CFD: variants seen among roughly 807,000 people sequenced by gnomAD.
CFD encodes the protein complement factor D, also known as C3 convertase activator.
Under a neutral mutation model 21.1 loss-of-function variants are expected in CFD, and 24 were observed. That is an observed-to-expected ratio of 1.14 (90% CI 0.82 to 1.60). The LOEUF (loss-of-function observed/expected upper bound fraction) is 1.60, where lower values mean the gene tolerates loss of function less well. Among genes scored for constraint, CFD ranks in the 40% most tolerant of loss-of-function variants. The probability of loss-of-function intolerance (pLI) is 0.00; values close to 1 mark genes in which losing one functional copy is unlikely to be tolerated. For missense variants in CFD, 535 were observed against 383.3 expected (o/e 1.40, Z -3.31); for synonymous variants, 242 against 175.9 (o/e 1.38, Z -2.97).
chr19:861,548 C>T (rs1212098299), intron 3 of CFD, 151 bp from the exon 4 acceptor site: 2 of 942,706 alleles, frequency 2.1e-6, no homozygotes, highest in Admixed American at 4.5e-5. Context: ...GCACCCCCAC[C>T]CAGGGTCTAG....
chr19:863,332 C>CCTA lies in CFD; in HGVS notation c.*98_*100dup. 6.9e-7 allele frequency: 1 copy of CCTA among 1,444,630 alleles called. No homozygotes were observed. The highest frequency in any genetic ancestry group is 2.5e-5 in the East Asian group (1 of 40,226). 89.5% of individuals were successfully genotyped at this position (1,444,630 alleles called of 1,614,324 possible). ...GCATCTGGTTGGTCTTTATTGAGCA[C>CCTA]CTACTATATGCAGAAGGGGAGGCCG... On this transcript the variant is annotated 3_prime_UTR_variant, in exon 5 of 5. Coordinates refer to ENST00000327726, the MANE Select transcript of CFD (RefSeq NM_001928.4).
Position 863,455 on chromosome 19 carries a change from T to C in CFD, c.*217T>C. 2 of 608,802 alleles carry C rather than the reference T, an allele frequency of 3.3e-6. No individual in the cohort carries two copies. The highest frequency in any genetic ancestry group is 2.9e-5 in the East Asian group (1 of 34,762). 37.7% of individuals were successfully genotyped at this position (608,802 alleles called of 1,614,324 possible). Reference sequence around the variant, plus strand: ...ATAAATAAAAAATTAGCTGGGCAATTGGCGGGCATGGAGGTGGGTGCTTGT... The same window carrying C: ...ATAAATAAAAAATTAGCTGGGCAATCGGCGGGCATGGAGGTGGGTGCTTGT... On this transcript the variant is annotated 3_prime_UTR_variant, in exon 5 of 5. Coordinates refer to ENST00000327726, the MANE Select transcript of CFD (RefSeq NM_001928.4).
chr19:863,072 G>T lies in CFD; in HGVS notation c.616-20G>T. 1.3e-6 allele frequency: 2 copies of T among 1,511,514 alleles called. No homozygotes were observed. The highest frequency in any genetic ancestry group is 1.4e-5 in the African/African-American group (1 of 72,652). 93.6% of individuals were successfully genotyped at this position (1,511,514 alleles called of 1,614,324 possible). A position where few individuals can be genotyped will look rare whatever the true frequency, so the allele number is the denominator to read the frequency against. On this transcript the variant is annotated intron_variant, in intron 4 of 4. Transcript: ENST00000327726. ...GGGTGGGCGCGGGCCGCCCCTCACGGCCCCGTCCTGTTCCGGCAGGGTGAC... is the reference window on the plus strand; with the variant it reads ...GGGTGGGCGCGGGCCGCCCCTCACGTCCCCGTCCTGTTCCGGCAGGGTGAC...
In CFD at chr19:861,985, GGGGCCTGCAGGCCCCGGGAA is replaced by G. The variant is rs553493893; in HGVS notation, c.615+40_615+59del. ...AGCCTTCAGGCCTGGGAGGAGACGC[GGGGCCTGCAGGCCCCGGGAA>G]GGGCCTGCAGAGGGAGCGCGAAGCG... On this transcript the variant is annotated intron_variant, in intron 4 of 4. Transcript: ENST00000327726. The G allele has an allele frequency of 3.0e-3, 4,602 of 1,529,538 alleles. 9 individuals carry two copies. Among genetic ancestry groups the G allele is most frequent in the Middle Eastern group, 4.2e-3 (20 of 4,812 alleles). The allele number at this position is 1,529,538 out of a possible 1,614,324, so 94.7% of individuals were successfully genotyped here. A position where few individuals can be genotyped will look rare whatever the true frequency, so the allele number is the denominator to read the frequency against.
chr19:861,585 C>T, intron 3 of CFD, 114 bp from the exon 4 acceptor site: 1 of 1,294,224 alleles, frequency 7.7e-7, no homozygotes, highest in Non-Finnish European at 1.1e-6. Flanking sequence ...TGCACTGAGA[C>T]CCACGCCCCT....
chr19:860,530 TG>T (rs1291082612), intron 1 of CFD, 86 bp from the exon 2 acceptor site: 5 of 1,215,618 alleles, frequency 4.1e-6, no homozygotes, highest in Non-Finnish European at 4.2e-6. Context: ...GGGAGCGGCC[TG>T]GGGGGTGAGA....
rs542731477 is a variant in CFD, at chr19:860,049, G to A, written c.55+305G>A. Among the ~76,000 whole-genome samples the A allele has an allele frequency of 7.9e-5, 12 of 152,276 alleles. No homozygotes were observed. In the East Asian group the frequency reaches 1.2e-3, roughly 15 times the overall value. Reference sequence around the variant, plus strand: ...CCATTTCTCTTATGTCCAACTGGAAGGCACTGCGCCCAGGGTAGGGCGCTG... The same window carrying A: ...CCATTTCTCTTATGTCCAACTGGAAAGCACTGCGCCCAGGGTAGGGCGCTG... On this transcript the variant is annotated intron_variant, in intron 1 of 4. Coordinates refer to ENST00000327726, the MANE Select transcript of CFD (RefSeq NM_001928.4).
intron 3 of CFD, 65 bp downstream of exon 3, chr19:861,070 C>G: frequency 1.3e-6 from 2 of 1,519,896 alleles, no homozygotes; most frequent in Non-Finnish European, 1.8e-6. Context: ...TCACTCCACC[C>G]CGCCTACACC....
chr19:861,450 C>A, intron 3 of CFD, among the ~76,000 whole-genome samples: 1 of 135,972 alleles, frequency 7.4e-6, no homozygotes. Flanking sequence ...AGCCCCCCAC[C>A]CCCCGCTCCC....
In CFD at chr19:859,686, C is replaced by T. The variant is rs761081354; in HGVS notation, c.-4C>T. ...GTCAGTGTCTCAGCCACAGCGGCTT[C>T]ACCATGCACAGCTGGGAGCGCCTGG... On this transcript the variant is annotated 5_prime_UTR_variant, in exon 1 of 5. Transcript: ENST00000327726. 60 of 1,565,872 alleles carry T rather than the reference C, an allele frequency of 3.8e-5. No individual in the cohort carries two copies. The highest frequency in any genetic ancestry group is 5.1e-5 in the Non-Finnish European group (59 of 1,155,730).
chr19:859,733 C>G lies in CFD; in HGVS notation c.44C>G (p.Ala15Gly), dbSNP rs751358067. 6.4e-7 allele frequency: 1 copy of G among 1,571,012 alleles called. No homozygotes were observed. Among genetic ancestry groups the G allele is most frequent in the South Asian group, 1.2e-5 (1 of 85,676 alleles). Residue 15 changes from alanine (A) to glycine (G), a missense_variant, in exon 1 of 5, where the codon GCG becomes GGG. Ala to Gly is a moderately conservative substitution (Grantham distance 60, BLOSUM62 0). Transcript: ENST00000327726. Reference sequence around the variant, plus strand: ...CTGGCAGTTCTGGTCCTCCTAGGAGCGGCCGCCTGCGGTGAGGAGGCCTGG... The same window carrying G: ...CTGGCAGTTCTGGTCCTCCTAGGAGGGGCCGCCTGCGGTGAGGAGGCCTGG... Reference protein sequence around the residue: ...ERLAVLVLLGAAACAAPPRGR... With the variant: ...ERLAVLVLLGGAACAAPPRGR...
rs749278971 is a variant in CFD, at chr19:861,993, C to T, written c.615+37C>T. 4.6e-5 allele frequency: 69 copies of T among 1,515,664 alleles called. No individual in the cohort carries two copies. In the South Asian group the frequency reaches 5.2e-4, roughly 11 times the overall value. 93.9% of individuals were successfully genotyped at this position (1,515,664 alleles called of 1,614,324 possible). A position where few individuals can be genotyped will look rare whatever the true frequency, so the allele number is the denominator to read the frequency against. ...GGCCTGGGAGGAGACGCGGGGCCTGCAGGCCCCGGGAAGGGCCTGCAGAGG... is the reference window on the plus strand; with the variant it reads ...GGCCTGGGAGGAGACGCGGGGCCTGTAGGCCCCGGGAAGGGCCTGCAGAGG... On this transcript the variant is annotated intron_variant, in intron 4 of 4. Transcript: ENST00000327726.
Position 863,531 on chromosome 19 carries a change from G to A in CFD, c.*293G>A. ...GTGGGAGGATGACTTGAACGCAGGAGGCTGAGGCTGCAGTGAGTTGTGATT... is the reference window on the plus strand; with the variant it reads ...GTGGGAGGATGACTTGAACGCAGGAAGCTGAGGCTGCAGTGAGTTGTGATT... On this transcript the variant is annotated 3_prime_UTR_variant, in exon 5 of 5. Transcript: ENST00000327726. 2.1e-6 allele frequency: 1 copy of A among 476,340 alleles called. No individual in the cohort carries two copies. The allele number at this position is 476,340 out of a possible 1,614,324, so 29.5% of individuals were successfully genotyped here.
At chr19:862,518 G>A (rs2035815583) in intron 4 of CFD, among the ~76,000 whole-genome samples, 1 of 148,666 alleles carries the variant, frequency 6.7e-6, no homozygotes, top group Admixed American at 6.7e-5. Context: ...CATGGGGACG[G>A]GGCGGGGCAG....
Position 861,870 on chromosome 19 carries a change from G to T in CFD, c.529G>T (p.Ala177Ser), listed in dbSNP as rs1156678014. The T allele has an allele frequency of 1.3e-6, 2 of 1,594,228 alleles. No homozygotes were observed. The highest frequency in any genetic ancestry group is 1.7e-6 in the Non-Finnish European group (2 of 1,176,432). The change falls in exon 4 of 5, where the codon GCC (alanine) becomes TCC (serine). Residue 177 changes from alanine to serine, a missense_variant. Transcript: ENST00000327726. ...QHVLLPVLDR[A>S]TCNRRTHHDG... Reference sequence around the variant, plus strand: ...CGTGCTCTTGCCAGTGCTGGACCGCGCCACCTGCAACCGGCGCACGCACCA... The same window carrying T: ...CGTGCTCTTGCCAGTGCTGGACCGCTCCACCTGCAACCGGCGCACGCACCA...
At chr19:862,087 TG>T (rs2035806051) in intron 4 of CFD, 131 bp downstream of exon 4, 1 of 984,620 alleles carries the variant, frequency 1.0e-6, no homozygotes, top group Non-Finnish European at 1.2e-6. Flanking sequence ...GGGCGGGAAC[TG>T]GAAGATGGGC....
intron 4 of CFD, among the ~76,000 whole-genome samples, 175 bp from the exon 5 acceptor site, chr19:862,914 TGTG>T (rs1470554729): frequency 1.3e-5 from 2 of 151,542 alleles, no homozygotes; most frequent in Non-Finnish European, 2.9e-5. Context: ...GGGCGTGGCT[TGTG>T]GTTGTGGCCT....
chr19:862,457 A>G (rs929992881), intron 4 of CFD, among the ~76,000 whole-genome samples: 3 of 120,332 alleles, frequency 2.5e-5, no homozygotes, highest in Non-Finnish European at 5.2e-5. Context: ...GGCAGGTGGC[A>G]GAGAAAGGGT....
In CFD at chr19:863,389, G is replaced by A. The variant is rs1301704420; in HGVS notation, c.*151G>A. On this transcript the variant is annotated 3_prime_UTR_variant, in exon 5 of 5. Transcript: ENST00000327726. ...GAGGATCATTGGATCTCAGGAGTTC[G>A]AGATCAGCATGGGCCACGTAGCGCG... 2.0e-5 allele frequency: 18 copies of A among 910,836 alleles called. No individual in the cohort carries two copies. The highest frequency in any genetic ancestry group is 6.5e-5 in the African/African-American group (4 of 61,256). 56.4% of individuals were successfully genotyped at this position (910,836 alleles called of 1,614,324 possible). A position where few individuals can be genotyped will look rare whatever the true frequency, so the allele number is the denominator to read the frequency against.
Sources: allele counts gnomAD v4.1 joint callset (sites outside exome capture counted in the v4.1 genomes callset), GRCh38; gene constraint gnomAD v4.1.1; transcripts MANE v1.5; gene names NCBI Gene and HGNC (gene_info 2026-07-23, HGNC 2026-07-21).